Variants in STAG1 observed in about 807,000 individuals in gnomAD.
STAG1 encodes STAG1 cohesin complex component.
In STAG1, 26 loss-of-function variants were observed where a neutral mutation model predicts 170.9. The observed-to-expected ratio is 0.15, with a 90% CI of 0.11 to 0.21. The LOEUF (loss-of-function observed/expected upper bound fraction) is 0.21. Among genes scored for constraint, STAG1 ranks in the 10% least tolerant of loss-of-function variants. The pLI is 1.00. For missense variants in STAG1, 964 were observed against 1,509.5 expected, an observed-to-expected ratio of 0.64 and a Z score of 5.99; for synonymous variants, 514 against 497.7, an observed-to-expected ratio of 1.03 and a Z score of -0.44.
intron 9 of STAG1, among the ~76,000 whole-genome samples, chr3:136,490,094 GC>G (rs2090095121): frequency 6.6e-6 from 1 of 152,070 alleles, no homozygotes; most frequent in Non-Finnish European, 1.5e-5. Context: ...AGGCTGGAGT[GC>G]AGTGGCACAA....
intron 15 of STAG1, among the ~76,000 whole-genome samples, chr3:136,442,209 A>C (rs187346562): frequency 4.1e-4 from 62 of 152,294 alleles, no homozygotes; most frequent in Admixed American, 8.5e-4. Flanking sequence ...CACACACACA[A>C]AAATTTTCTT....
chr3:136,479,474 T>C (rs913851361), intron 9 of STAG1, among the ~76,000 whole-genome samples: 1 of 82,494 alleles, frequency 1.2e-5, no homozygotes, highest in Non-Finnish European at 2.6e-5. Flanking sequence ...ATCCAGTCTA[T>C]CATTGTTGGA....
intron 5 of STAG1, among the ~76,000 whole-genome samples, chr3:136,566,062 A>G (rs754860477): frequency 4.6e-5 from 7 of 152,152 alleles, no homozygotes; most frequent in Non-Finnish European, 7.4e-5. Context: ...GGTATAGGGT[A>G]TTTTCCTGGG....
chr3:136,707,696 T>C (rs1331916572), intron 1 of STAG1, among the ~76,000 whole-genome samples: 1 of 152,172 alleles, frequency 6.6e-6, no homozygotes, highest in Non-Finnish European at 1.5e-5. Flanking sequence ...AGTGGACACA[T>C]GCAAAGAGGG....
At chr3:136,638,412 G>A (rs552184153) in intron 1 of STAG1, among the ~76,000 whole-genome samples, 6 of 152,208 alleles carry the variant, frequency 3.9e-5, no homozygotes, top group Non-Finnish European at 7.4e-5. Flanking sequence ...TGGGATTACA[G>A]GCATGAGCCA....
In STAG1 at chr3:136,461,508, T is replaced by C. The variant is rs2089272873; in HGVS notation, c.1313+3373A>G. Among the ~76,000 whole-genome samples, 6 of 151,898 alleles carry C rather than the reference T, an allele frequency of 4.0e-5. No individual in the cohort carries two copies. In the South Asian group the frequency reaches 1.2e-3, roughly 32 times the overall value. ...AAAATCAACATAAAAATCAGTAGCA[T>C]TCTTGTACAGCAAAAGTGAACAATC... On this transcript the variant is annotated intron_variant, in intron 13 of 33. Transcript: ENST00000383202.
chr3:136,701,446 A>C (rs1943058185), intron 1 of STAG1, among the ~76,000 whole-genome samples: 1 of 152,192 alleles, frequency 6.6e-6, no homozygotes, highest in Non-Finnish European at 1.5e-5. Context: ...AATAGTCTCT[A>C]TAAAGTAGTG....
chr3:136,470,293 AAAAC>A lies in STAG1; in HGVS notation c.1205+2116_1205+2119del, dbSNP rs1367038619. Among the ~76,000 whole-genome samples, 6 of 152,352 alleles carry A rather than the reference AAAAC, an allele frequency of 3.9e-5. No individual in the cohort carries two copies. The East Asian group carries it at 5.8e-4, about 15-fold the overall frequency. On this transcript the variant is annotated intron_variant, in intron 12 of 33. Coordinates refer to ENST00000383202, the MANE Select transcript of STAG1 (RefSeq NM_005862.3). ...AGAACTCAAACAAATTTACAAGAGA[AAAAC>A]AAACAACCCCATCAAAAAGTGGGCA...
chr3:136,445,852 T>C (rs1219712303), intron 14 of STAG1, among the ~76,000 whole-genome samples: 1 of 152,218 alleles, frequency 6.6e-6, no homozygotes, highest in Admixed American at 6.5e-5. Context: ...CCAGCCTTTA[T>C]CCAGCCTATT....
chr3:136,403,088 C>G (rs1297345104), intron 21 of STAG1, among the ~76,000 whole-genome samples: 1 of 150,984 alleles, frequency 6.6e-6, no homozygotes, highest in East Asian at 2.0e-4. Context: ...ATTAGCTAAG[C>G]ATGGTGGCAC....
In STAG1 at chr3:136,539,003, AGG is replaced by A. The variant is rs1371278185; in HGVS notation, c.471+3114_471+3115del. Among the ~76,000 whole-genome samples the A allele has an allele frequency of 8.4e-3, 1,285 of 152,084 alleles. 22 individuals are homozygous for A. The highest frequency in any genetic ancestry group is 0.03 in the African/African-American group (1,230 of 41,516). On this transcript the variant is annotated intron_variant, in intron 6 of 33. Transcript: ENST00000383202. ...CAAAAAATTAGCCCAGCGTAGCGGC[AGG>A]CGCCTGTAGTCCCAGCTACTCAGGA...
intron 1 of STAG1, chr3:136,737,135 C>T: frequency 1.2e-6 from 1 of 804,320 alleles, no homozygotes; most frequent in Non-Finnish European, 2.2e-6. Flanking sequence ...ACGTTAGAAC[C>T]AAGTCTCTCT....
At chr3:136,472,207 T>C (rs1039890397) in intron 12 of STAG1, among the ~76,000 whole-genome samples, 1 of 152,062 alleles carries the variant, frequency 6.6e-6, no homozygotes, top group Non-Finnish European at 1.5e-5. Flanking sequence ...ATAATTTTTA[T>C]GTGGAAGAAG....
At chr3:136,396,363 G>A (rs1358355975) in intron 22 of STAG1, among the ~76,000 whole-genome samples, 6 of 151,148 alleles carry the variant, frequency 4.0e-5, no homozygotes, top group East Asian at 1.9e-4. Context: ...GACTACAGGC[G>A]CCTGCCACCA....
intron 13 of STAG1, among the ~76,000 whole-genome samples, chr3:136,455,131 AT>A (rs1467251553): frequency 2.0e-5 from 3 of 152,228 alleles, no homozygotes; most frequent in Non-Finnish European, 2.9e-5. Flanking sequence ...ATCCTTCTGG[AT>A]TTCTGTGGCA....
chr3:136,399,371 TCC>T lies in STAG1; in HGVS notation c.2197-544_2197-543del, dbSNP rs1164591175. Among the ~76,000 whole-genome samples, 12 of 152,294 alleles carry T rather than the reference TCC, an allele frequency of 7.9e-5. No homozygotes were observed. In the East Asian group the frequency reaches 1.3e-3, roughly 17 times the overall value. Reference sequence around the variant, plus strand: ...CCTCCCAATATAATTATCTTTCTTCTCCCAAGGGCAACAGTTATTATGGATTA... The same window carrying T: ...CCTCCCAATATAATTATCTTTCTTCTCAAGGGCAACAGTTATTATGGATTA... On this transcript the variant is annotated intron_variant, in intron 21 of 33. Transcript: ENST00000383202.
At chr3:136,573,266 C>A (rs990112138) in intron 4 of STAG1, among the ~76,000 whole-genome samples, 7 of 151,312 alleles carry the variant, frequency 4.6e-5, no homozygotes, top group Non-Finnish European at 1.0e-4. Flanking sequence ...AGAATGGCAA[C>A]TGTTAGAAGC....
intron 15 of STAG1, among the ~76,000 whole-genome samples, chr3:136,435,196 T>C (rs1194686747): frequency 6.6e-6 from 1 of 152,222 alleles, no homozygotes; most frequent in Non-Finnish European, 1.5e-5. Flanking sequence ...TCTATAACGC[T>C]AATAGCAATT....
At chr3:136,352,910 G>A (rs1245503530) in intron 28 of STAG1, among the ~76,000 whole-genome samples, 2 of 152,136 alleles carry the variant, frequency 1.3e-5, no homozygotes, top group Non-Finnish European at 2.9e-5. Context: ...TTTATTAGAT[G>A]TAACCCCATC....
Sources: allele counts gnomAD v4.1 joint callset (sites outside exome capture counted in the v4.1 genomes callset), GRCh38; gene constraint gnomAD v4.1.1; transcripts MANE v1.5; gene names NCBI Gene and HGNC (gene_info 2026-07-23, HGNC 2026-07-21).